Variants in EYS observed in about 807,000 individuals in gnomAD.
EYS encodes protein eyes shut homolog.
A neutral mutation model predicts 282.1 loss-of-function variants in EYS; 250 were observed. That is an observed-to-expected ratio of 0.89 (90% CI 0.80 to 0.98). EYS has a LOEUF of 0.98. Ranked by LOEUF, EYS falls within the 50% of genes least tolerant of loss-of-function variation. EYS has a pLI of 0.00. For missense variants in EYS, 4,016 were observed against 3,709.0 expected (o/e 1.08, Z -2.15); for synonymous variants, 1,355 against 1,282.9 (o/e 1.06, Z -1.20).
intron 12 of EYS, among the ~76,000 whole-genome samples, chr6:65,234,830 A>G (rs1316939598): frequency 6.6e-6 from 1 of 152,332 alleles, no homozygotes; most frequent in South Asian, 2.1e-4. Flanking sequence ...TTGAATTTCC[A>G]GGATTTAAAG....
chr6:63,836,970 A>AT (rs1022089859), intron 36 of EYS, among the ~76,000 whole-genome samples: 2 of 151,876 alleles, frequency 1.3e-5, no homozygotes, highest in African/African-American at 4.8e-5. Context: ...TGAAAAGAAT[A>AT]TTTTTTCTCC....
At chr6:64,323,024 C>A (rs541856854) in intron 29 of EYS, among the ~76,000 whole-genome samples, 4 of 152,184 alleles carry the variant, frequency 2.6e-5, no homozygotes, top group Middle Eastern at 3.4e-3. Context: ...CCCATGATTT[C>A]TTTATTGTTT....
intron 26 of EYS, among the ~76,000 whole-genome samples, chr6:64,531,711 G>A (rs138685715): frequency 0.016 from 2,480 of 151,974 alleles, 23 homozygotes; most frequent in South Asian, 0.035. Context: ...GATTACAGGC[G>A]TGAGCCACCA....
chr6:64,184,550 AT>A (rs1234403958), intron 31 of EYS, among the ~76,000 whole-genome samples: 1 of 139,984 alleles, frequency 7.1e-6, no homozygotes, highest in African/African-American at 2.6e-5. Context: ...AAAAGTCACC[AT>A]TATGCAAAAA....
At chr6:65,144,343 G>A (rs545065301) in intron 12 of EYS, among the ~76,000 whole-genome samples, 10 of 152,190 alleles carry the variant, frequency 6.6e-5, no homozygotes, top group African/African-American at 2.4e-4. Flanking sequence ...AAGAAACTAT[G>A]TTAGAAGGTA....
At chr6:63,775,629 T>A (rs1353633217) in intron 40 of EYS, among the ~76,000 whole-genome samples, 3 of 152,194 alleles carry the variant, frequency 2.0e-5, no homozygotes, top group Non-Finnish European at 4.4e-5. Context: ...AATCTGTAAC[T>A]AGGATAAGTA....
chr6:64,742,278 C>T (rs1268831751), intron 22 of EYS, among the ~76,000 whole-genome samples: 1 of 152,062 alleles, frequency 6.6e-6, no homozygotes, highest in Non-Finnish European at 1.5e-5. Flanking sequence ...GATTGTTTGC[C>T]ATCTTATATG....
chr6:64,284,744 C>A (rs905259799), intron 30 of EYS, among the ~76,000 whole-genome samples: 1 of 152,192 alleles, frequency 6.6e-6, no homozygotes, highest in Non-Finnish European at 1.5e-5. Flanking sequence ...CTTTTCTGCA[C>A]CCGCATGCTC....
In EYS at chr6:63,721,678, T is replaced by C. The variant is rs555424787; in HGVS notation, c.8353A>G (p.Ile2785Val). ...KVTINGSTWH[I>V]IKAGRVGAEG... is the part of the protein sequence containing the mutation. ...GCACCAACTCTTCCTGCTTTTATTA[T>C]ATGCCAAGTACTTCCGTTTATAGTT... is the stretch of plus-strand genomic sequence containing the variant. Residue 2785 changes from isoleucine (I) to valine (V), a missense_variant, in exon 43 of 43, where the codon ATA (isoleucine) becomes GTA (valine). Coordinates refer to ENST00000503581, the MANE Select transcript of EYS (RefSeq NM_001142800.2). 3 of 1,551,534 alleles carry C rather than the reference T, an allele frequency of 1.9e-6. No homozygotes were observed. Among genetic ancestry groups the C allele is most frequent in the Non-Finnish European group, 2.6e-6 (3 of 1,146,812 alleles).
intron 35 of EYS, among the ~76,000 whole-genome samples, chr6:63,932,034 T>C (rs1047465485): frequency 3.3e-5 from 5 of 152,098 alleles, no homozygotes; most frequent in Non-Finnish European, 7.4e-5. Flanking sequence ...GGTTTCTATA[T>C]GTAGTTTCCA....
intron 22 of EYS, among the ~76,000 whole-genome samples, chr6:64,717,354 T>G (rs1359061704): frequency 1.3e-5 from 2 of 152,202 alleles, no homozygotes; most frequent in Admixed American, 6.5e-5. Flanking sequence ...TCCCCATTGC[T>G]CATATCACCA....
At chr6:65,265,864 G>A (rs1767739851) in intron 12 of EYS, among the ~76,000 whole-genome samples, 1 of 152,008 alleles carries the variant, frequency 6.6e-6, no homozygotes, top group Non-Finnish European at 1.5e-5. Context: ...TCTGTAAAAT[G>A]AAGGTAACAG....
At chr6:64,107,285 T>TATATA (rs1773053230) in intron 31 of EYS, among the ~76,000 whole-genome samples, 12 of 101,508 alleles carry the variant, frequency 1.2e-4, no homozygotes, top group African/African-American at 3.2e-4. Context: ...ATATATATAT[T>TATATA]TATATATATA....
intron 35 of EYS, among the ~76,000 whole-genome samples, chr6:63,884,555 G>C (rs953246468): frequency 2.0e-5 from 3 of 152,108 alleles, no homozygotes; most frequent in Non-Finnish European, 4.4e-5. Context: ...CTGTATGTAT[G>C]TTATCTTTTA....
chr6:65,178,354 G>T (rs655545), intron 12 of EYS, among the ~76,000 whole-genome samples: 20,920 of 151,838 alleles, frequency 0.14, 2,061 homozygotes, highest in African/African-American at 0.28. Flanking sequence ...TTACTACCCA[G>T]GCGCCAGCCT....
At chr6:65,111,601 C>G (rs1233612897) in intron 12 of EYS, among the ~76,000 whole-genome samples, 2 of 152,094 alleles carry the variant, frequency 1.3e-5, no homozygotes, top group Non-Finnish European at 2.9e-5. Context: ...TAATCCCTCC[C>G]TATTGGGACG....
chr6:63,970,799 T>C (rs1766533513), intron 35 of EYS, among the ~76,000 whole-genome samples: 1 of 152,224 alleles, frequency 6.6e-6, no homozygotes, highest in African/African-American at 2.4e-5. Flanking sequence ...TTAATCCACT[T>C]ATTTTTATTT....
chr6:65,394,231 CGTGT>C (rs140207729), intron 7 of EYS, among the ~76,000 whole-genome samples: 18 of 149,718 alleles, frequency 1.2e-4, no homozygotes, highest in East Asian at 5.9e-4. Context: ...TATGTGCGCA[CGTGT>C]GTGTGTGTGT....
chr6:65,266,885 TGC>T (rs1562060400), intron 12 of EYS, among the ~76,000 whole-genome samples: 2 of 122,204 alleles, frequency 1.6e-5, no homozygotes, highest in Non-Finnish European at 3.5e-5. Flanking sequence ...TTAATGTGTG[TGC>T]ATATATATAT....
Sources: gnomAD v4.1 joint callset for allele counts (sites outside exome capture counted in the v4.1 genomes callset) on GRCh38, gnomAD v4.1.1 for gene constraint, MANE v1.5 for transcripts, NCBI Gene and HGNC (gene_info 2026-07-23, HGNC 2026-07-21) for gene names.